Variants in PRDM10 observed in about 807,000 individuals in gnomAD.
PRDM10 encodes the protein PR/SET domain 10.
PRDM10 carries 65 observed loss-of-function variants against 133.1 expected under a neutral mutation model. The ratio of observed to expected loss-of-function variants is 0.49; its 90% CI spans 0.40 to 0.60. The LOEUF is 0.60. Ranked by LOEUF, PRDM10 falls within the 20% of genes least tolerant of loss-of-function variation. The probability of loss-of-function intolerance (pLI) is 0.00; values close to 1 mark genes in which losing one functional copy is unlikely to be tolerated. For missense variants in PRDM10, 1,137 were observed against 1,507.1 expected (o/e 0.75, Z 4.07); for synonymous variants, 582 against 580.4 (o/e 1.00, Z -0.04).
intron 7 of PRDM10, among the ~76,000 whole-genome samples, chr11:129,941,334 C>A (rs1332680229): frequency 1.3e-5 from 2 of 152,062 alleles, no homozygotes; most frequent in African/African-American, 4.8e-5. Flanking sequence ...AGAATCATAG[C>A]AAAATTTTAT....
chr11:129,993,302 T>C (rs1432065526), intron 1 of PRDM10, among the ~76,000 whole-genome samples: 1 of 152,232 alleles, frequency 6.6e-6, no homozygotes, highest in Non-Finnish European at 1.5e-5. Context: ...GTTTAAGAAA[T>C]GTTTCTCTAT....
chr11:129,994,523 A>G (rs936121181), intron 1 of PRDM10, among the ~76,000 whole-genome samples: 2 of 151,216 alleles, frequency 1.3e-5, no homozygotes, highest in Admixed American at 1.3e-4. Flanking sequence ...CTGTAACCCC[A>G]GCTACTCGGT....
intron 1 of PRDM10, among the ~76,000 whole-genome samples, chr11:129,989,242 G>A (rs1406054239): frequency 2.6e-5 from 4 of 151,976 alleles, no homozygotes; most frequent in Admixed American, 6.6e-5. Flanking sequence ...GGAGTTCGAG[G>A]TTGCAGTGAG....
chr11:129,961,446 G>A (rs531717052), intron 1 of PRDM10, among the ~76,000 whole-genome samples: 4 of 152,120 alleles, frequency 2.6e-5, no homozygotes, highest in African/African-American at 4.8e-5. Flanking sequence ...CTGGGACTAC[G>A]GGCACGAGCA....
At position 129,984,993 on chromosome 11, in the gene PRDM10, C is replaced by T. The variant is rs117465348; in HGVS notation, c.-119+17729G>A. Among the ~76,000 whole-genome samples, 37 of 152,242 alleles carry T rather than the reference C, an allele frequency of 2.4e-4. No homozygotes were observed. In the East Asian group the frequency reaches 6.2e-3, roughly 25 times the overall value. ...CTGTAATACTCTGCAAAGCATTTACCGTCAGTTAGGCGAGTTCAGTATGTG... is the reference window on the plus strand; with the variant it reads ...CTGTAATACTCTGCAAAGCATTTACTGTCAGTTAGGCGAGTTCAGTATGTG... On this transcript the variant is annotated intron_variant, in intron 1 of 20. Transcript: ENST00000360871.
intron 1 of PRDM10, among the ~76,000 whole-genome samples, chr11:129,964,525 C>A (rs557025592): frequency 3.9e-5 from 6 of 152,322 alleles, no homozygotes; most frequent in Admixed American, 3.9e-4. Context: ...CCCTCTCCAA[C>A]CACAAATAGA....
In PRDM10 at chr11:129,932,214, C is replaced by T. The variant is rs764743532; in HGVS notation, c.1175G>A (p.Arg392Lys). The T allele has an allele frequency of 3.2e-5, 51 of 1,613,956 alleles. No individual in the cohort carries two copies. Among genetic ancestry groups the T allele is most frequent in the Middle Eastern group, 1.6e-4 (1 of 6,084 alleles). ...DVFSRTRGRG[R>K]GRGKRRFGPG... is the part of the protein sequence containing the mutation. ...ACCGAATCGCCTCTTGCCTCGTCCC[C>T]TTCCTCTGCCTCTTGTTCTGGGGAC... The change falls in exon 10 of 21, where the codon AGG becomes AAG. Residue 392 changes from arginine to lysine, a missense_variant. Physicochemically the swap from Arg to Lys is conservative, Grantham distance 26 (BLOSUM62 2). Coordinates refer to ENST00000360871, the MANE Select transcript of PRDM10 (RefSeq NM_199437.2).
rs1306724050 is a variant in PRDM10 at position 129,957,327 on chromosome 11, C to CT, written c.234+418dup. On this transcript the variant is annotated intron_variant, in intron 3 of 20. Coordinates refer to ENST00000360871, the MANE Select transcript of PRDM10 (RefSeq NM_199437.2). Reference sequence around the variant, plus strand: ...TTACAAGCTCCTTGAGAGCACAGATCTTTTTTTTTGAGACAGAGTTTTGCT... The same window carrying CT: ...TTACAAGCTCCTTGAGAGCACAGATCTTTTTTTTTTGAGACAGAGTTTTGCT... 6.3e-3 allele frequency among the ~76,000 whole-genome samples: 958 copies of CT among 151,312 alleles called. 11 individuals carry two copies. Among genetic ancestry groups the CT allele is most frequent in the African/African-American group, 0.022 (913 of 41,338 alleles).
chr11:129,985,791 A>AT (rs1938379160), intron 1 of PRDM10, among the ~76,000 whole-genome samples: 1 of 109,192 alleles, frequency 9.2e-6, no homozygotes, highest in African/African-American at 3.9e-5. Context: ...AAAAAAAAAA[A>AT]AAAAAAAAAA....
In PRDM10 at chr11:129,944,987, A is replaced by G. The variant is rs1951359345; in HGVS notation, c.546T>C (p.His182=). 1.2e-6 allele frequency: 2 copies of G among 1,612,672 alleles called. No homozygotes were observed. The highest frequency in any genetic ancestry group is 1.7e-6 in the Non-Finnish European group (2 of 1,179,692). The change falls in exon 6 of 21, where the codon CAT becomes CAC. Residue 182 remains histidine, a synonymous_variant. Transcript: ENST00000360871. ...GGCCGTGCTTCGGACACACTGAAGC[A>G]TGCGCGTTATTGCACTCCTCACACC... The part of the protein sequence containing the change: ...DLWCEECNNA[H]ASVCPKHGPL...
At chr11:129,963,856 G>A (rs984324670) in intron 1 of PRDM10, among the ~76,000 whole-genome samples, 2 of 152,020 alleles carry the variant, frequency 1.3e-5, no homozygotes, top group African/African-American at 2.4e-5. Context: ...AAAAGAATAC[G>A]ACATTTTTTC....
intron 20 of PRDM10, among the ~76,000 whole-genome samples, chr11:129,904,155 T>TAA (rs11409202): frequency 0.015 from 1,597 of 107,322 alleles, 29 homozygotes; most frequent in African/African-American, 0.032. Context: ...CTCAGTATAC[T>TAA]AAAAAAAAAA....
intron 10 of PRDM10, 51 bp downstream of exon 10, chr11:129,932,050 GC>G: frequency 6.3e-7 from 1 of 1,578,606 alleles, no homozygotes; most frequent in South Asian, 1.1e-5. Context: ...CAGGGATCTG[GC>G]GAGTCCTCCA....
At chr11:129,911,769 C>A (rs573360535) in intron 18 of PRDM10, among the ~76,000 whole-genome samples, 2 of 152,150 alleles carry the variant, frequency 1.3e-5, no homozygotes, top group Non-Finnish European at 2.9e-5. Flanking sequence ...ATAAAATATA[C>A]CATAATACTC....
chr11:129,919,967 G>A (rs1950473634), intron 13 of PRDM10, among the ~76,000 whole-genome samples: 1 of 152,250 alleles, frequency 6.6e-6, no homozygotes, highest in East Asian at 1.9e-4. Flanking sequence ...AATGTTCAGC[G>A]CTTTGTAGGC....
rs1477453173 is a variant in PRDM10, at chr11:130,001,236, G to T, written c.-119+1486C>A. Among the ~76,000 whole-genome samples, 9 of 152,056 alleles carry T rather than the reference G, an allele frequency of 5.9e-5. 1 individual carries two copies. The stretch of plus-strand genomic sequence containing the variant: ...TTCTCTATTCTAGAACAACAAATAA[G>T]TACTGCTCATCAAAGTGGAAGCTAT... On this transcript the variant is annotated intron_variant, in intron 1 of 20. Transcript: ENST00000360871.
intron 4 of PRDM10, chr11:129,948,124 GT>G (rs1339530621): frequency 4.4e-6 from 2 of 455,890 alleles, no homozygotes; most frequent in Admixed American, 2.4e-5. Context: ...ATAAGACACA[GT>G]TTGGGTCATG....
intron 4 of PRDM10, among the ~76,000 whole-genome samples, chr11:129,953,477 A>C (rs1018887155): frequency 1.3e-5 from 2 of 148,612 alleles, no homozygotes; most frequent in Non-Finnish European, 3.0e-5. Flanking sequence ...TATTTTTAGT[A>C]GAGACAGGGT....
rs184761340 is a variant in PRDM10, at chr11:129,901,389, G to A, written c.*924C>T. The A allele has an allele frequency of 6.6e-6, 1 of 152,666 alleles. No individual in the cohort carries two copies. Among genetic ancestry groups the A allele is most frequent in the East Asian group, 1.9e-4 (1 of 5,184 alleles). The allele number at this position is 152,666 out of a possible 1,614,324, so 9.5% of individuals were successfully genotyped here. On this transcript the variant is annotated 3_prime_UTR_variant, in exon 21 of 21. Transcript: ENST00000360871. ...TTAAATGTACACTTGGTAAGAACAA[G>A]GAATATATCCTTTACCAATGAATGA...
Sources: gnomAD v4.1 joint callset for allele counts (sites outside exome capture counted in the v4.1 genomes callset) on GRCh38, gnomAD v4.1.1 for gene constraint, MANE v1.5 for transcripts, NCBI Gene and HGNC (gene_info 2026-07-23, HGNC 2026-07-21) for gene names.